Variants in SPATA31D3 observed in about 807,000 individuals in gnomAD.
SPATA31D3 encodes SPATA31 subfamily D member 3.
For synonymous variants in SPATA31D3, 27 were observed against 107.8 expected, an observed-to-expected ratio of 0.25 and a Z score of 4.65; for missense variants, 91 against 297.9, an observed-to-expected ratio of 0.31 and a Z score of 5.11.
rs1170464636 is a variant in SPATA31D3, at chr9:81,949,490, C to T, written c.*1483C>T. 3.9e-6 allele frequency: 2 copies of T among 509,824 alleles called. No individual in the cohort carries two copies. The highest frequency in any genetic ancestry group is 2.1e-5 in the South Asian group (1 of 47,162). The allele number at this position is 509,824 out of a possible 1,614,324, so 31.6% of individuals were successfully genotyped here. A position where few individuals can be genotyped will look rare whatever the true frequency, so the allele number is the denominator to read the frequency against. Reference sequence around the variant, plus strand: ...AATAGAGGTCGAGTTAAAAGTAGAGCTGTCTTTACTGGGACTATTGAAGCT... The same window carrying T: ...AATAGAGGTCGAGTTAAAAGTAGAGTTGTCTTTACTGGGACTATTGAAGCT... On this transcript the variant is annotated 3_prime_UTR_variant, in exon 4 of 4. Coordinates refer to ENST00000445385, the MANE Select transcript of SPATA31D3 (RefSeq NM_207416.3).
chr9:81,949,666 C>A lies in SPATA31D3; in HGVS notation c.*1659C>A. On this transcript the variant is annotated 3_prime_UTR_variant, in exon 4 of 4. Transcript: ENST00000445385. ...GCCAGAACTGCAGGTCAGAGCAGAG[C>A]CTGTCCAGGGCTATCCCTGCAACTA... is the stretch of plus-strand genomic sequence containing the variant. 3 of 1,125,258 alleles carry A rather than the reference C, an allele frequency of 2.7e-6. No individual in the cohort carries two copies. The highest frequency in any genetic ancestry group is 4.0e-6 in the Non-Finnish European group (3 of 743,964). The allele number at this position is 1,125,258 out of a possible 1,614,324, so 69.7% of individuals were successfully genotyped here.
chr9:81,948,050 A>C lies in SPATA31D3; in HGVS notation c.*43A>C. ...CCCCGCAAGATCCGTGAACCCACAG[A>C]AATCTTCAAATCAGAAGAGGATATT... On this transcript the variant is annotated 3_prime_UTR_variant, in exon 4 of 4. Transcript: ENST00000445385. 8.1e-6 allele frequency: 13 copies of C among 1,597,560 alleles called. No homozygotes were observed. The highest frequency in any genetic ancestry group is 1.1e-5 in the Non-Finnish European group (13 of 1,172,212).
chr9:81,949,491 T>C lies in SPATA31D3; in HGVS notation c.*1484T>C. 1.9e-6 allele frequency: 1 copy of C among 513,166 alleles called. No individual in the cohort carries two copies. The allele number at this position is 513,166 out of a possible 1,614,324, so 31.8% of individuals were successfully genotyped here. ...ATAGAGGTCGAGTTAAAAGTAGAGC[T>C]GTCTTTACTGGGACTATTGAAGCTC... On this transcript the variant is annotated 3_prime_UTR_variant, in exon 4 of 4. Transcript: ENST00000445385.
At position 81,949,133 on chromosome 9, in the gene SPATA31D3, C is replaced by T. The variant is rs1264778262; in HGVS notation, c.*1126C>T. On this transcript the variant is annotated 3_prime_UTR_variant, in exon 4 of 4. Coordinates refer to ENST00000445385, the MANE Select transcript of SPATA31D3 (RefSeq NM_207416.3). ...CAGCAGCAGGAGCCCAGGGTCCCTA[C>T]GCATGTCTTACAGAAATGCCAAGTT... 73 of 608,192 alleles carry T rather than the reference C, an allele frequency of 1.2e-4. No individual in the cohort carries two copies. The highest frequency in any genetic ancestry group is 1.8e-4 in the Non-Finnish European group (59 of 335,992). 37.7% of individuals were successfully genotyped at this position (608,192 alleles called of 1,614,324 possible).
Sources: gnomAD v4.1 joint callset for allele counts on GRCh38, gnomAD v4.1.1 for gene constraint, MANE v1.5 for transcripts, NCBI Gene and HGNC (gene_info 2026-07-23, HGNC 2026-07-21) for gene names.